MYO5B: variants seen among roughly 807,000 people sequenced by gnomAD.
MYO5B encodes myosin VB.
Under a neutral mutation model 229.3 loss-of-function variants are expected in MYO5B, and 143 were observed. That is an observed-to-expected ratio of 0.62 (90% CI 0.54 to 0.72). MYO5B has a LOEUF of 0.72. Ranked by LOEUF, MYO5B falls within the 30% of genes least tolerant of loss-of-function variation. The probability of loss-of-function intolerance (pLI) is 0.00; values close to 1 mark genes in which losing one functional copy is unlikely to be tolerated. For missense variants in MYO5B, 2,321 were observed against 2,331.0 expected (o/e 1.00, Z 0.09); for synonymous variants, 918 against 885.2 (o/e 1.04, Z -0.66).
rs1314705705 is a variant in MYO5B at position 49,872,160 on chromosome 18, A to G, written c.3603+7T>C. 2 of 1,613,826 alleles carry G rather than the reference A, an allele frequency of 1.2e-6. No individual in the cohort carries two copies. Among genetic ancestry groups the G allele is most frequent in the East Asian group, 2.2e-5 (1 of 44,862 alleles). On this transcript the variant is annotated splice_region_variant and intron_variant, in intron 27 of 39. Transcript: ENST00000285039. Reference sequence around the variant, plus strand: ...GTTCCAGGAAGCCTGTCCCCCAAGAATCTTACCTTCAGACTATTGTAGGCC... The same window carrying G: ...GTTCCAGGAAGCCTGTCCCCCAAGAGTCTTACCTTCAGACTATTGTAGGCC...
chr18:49,851,987 C>CCCTCCT (rs150832122), intron 31 of MYO5B, among the ~76,000 whole-genome samples: 2 of 151,722 alleles, frequency 1.3e-5, no homozygotes, highest in African/African-American at 4.8e-5. Flanking sequence ...CAAACTGGAG[C>CCCTCCT]CCTCCTCCTC....
At chr18:49,831,422 A>C (rs2023919816) in intron 39 of MYO5B, among the ~76,000 whole-genome samples, 1 of 152,244 alleles carries the variant, frequency 6.6e-6, no homozygotes, top group Non-Finnish European at 1.5e-5. Context: ...CTCAATATCA[A>C]AAAGACAATA....
rs150223388 is a variant in MYO5B at position 50,159,480 on chromosome 18, G to A, written c.27+35287C>T. The stretch of plus-strand genomic sequence containing the variant: ...ACCCAGGAAACTCAAGCTGAGAGAC[G>A]TTAGTGACATTCAGTCACCCACGGG... On this transcript the variant is annotated intron_variant, in intron 1 of 39. Transcript: ENST00000285039. Among the ~76,000 whole-genome samples the A allele has an allele frequency of 5.9e-3, 903 of 152,144 alleles. 3 individuals carry two copies. The highest frequency in any genetic ancestry group is 0.018 in the African/African-American group (745 of 41,500).
chr18:49,908,178 T>C (rs1325696372), intron 18 of MYO5B, among the ~76,000 whole-genome samples: 4 of 152,188 alleles, frequency 2.6e-5, no homozygotes, highest in Non-Finnish European at 4.4e-5. Flanking sequence ...GATGATATGC[T>C]CTGCAAGGCC....
At chr18:49,908,234 T>C (rs879892736) in intron 18 of MYO5B, among the ~76,000 whole-genome samples, 2 of 152,214 alleles carry the variant, frequency 1.3e-5, no homozygotes, top group Admixed American at 1.3e-4. Context: ...CCTGCTCCAC[T>C]GAGACACCCA....
In MYO5B at chr18:49,864,320, C is replaced by T; in HGVS notation, c.3664G>A (p.Ala1222Thr). Residue 1222 changes from alanine to threonine, a missense_variant, in exon 28 of 40, where the codon GCC becomes ACC. Ala to Thr is a moderately conservative substitution (Grantham distance 58). Around this residue, in one of 2 missense-constraint regions of MYO5B, gnomAD observed 2,113 missense variants for 2,044.7 expected, o/e 1.03. Transcript: ENST00000285039. ...TTCTGCGTGGCTTGGTCGGCCACGG[C>T]TTTCCTCAGCTCATTCAGGTCATTC... is the stretch of plus-strand genomic sequence containing the variant. ...LKNDLNELRK[A>T]VADQATQNNS... 1 of 1,614,114 alleles carries T rather than the reference C, an allele frequency of 6.2e-7. No individual in the cohort carries two copies. The highest frequency in any genetic ancestry group is 1.1e-5 in the South Asian group (1 of 91,084).
chr18:50,050,679 C>T (rs2030367274), intron 2 of MYO5B, among the ~76,000 whole-genome samples: 1 of 152,212 alleles, frequency 6.6e-6, no homozygotes, highest in African/African-American at 2.4e-5. Flanking sequence ...AGAAACGCTT[C>T]TCCACACCTT....
At chr18:50,164,854 A>G (rs1238409299) in intron 1 of MYO5B, among the ~76,000 whole-genome samples, 5 of 152,250 alleles carry the variant, frequency 3.3e-5, no homozygotes, top group Non-Finnish European at 7.3e-5. Flanking sequence ...TAAGAGTAAA[A>G]TAGAAAATGT....
At chr18:50,023,944 C>G (rs1286601886) in intron 4 of MYO5B, among the ~76,000 whole-genome samples, 1 of 152,162 alleles carries the variant, frequency 6.6e-6, no homozygotes, top group Non-Finnish European at 1.5e-5. Flanking sequence ...AATCTTCACT[C>G]TATGCACTAC....
chr18:49,866,290 C>T (rs1447223660), intron 27 of MYO5B, among the ~76,000 whole-genome samples: 4 of 151,772 alleles, frequency 2.6e-5, no homozygotes, highest in East Asian at 3.9e-4. Context: ...AGGATGGTCT[C>T]GATCTCCTGA....
chr18:49,947,972 C>T (rs1391642067), intron 14 of MYO5B, among the ~76,000 whole-genome samples: 1 of 152,164 alleles, frequency 6.6e-6, no homozygotes, highest in Non-Finnish European at 1.5e-5. Flanking sequence ...ATTAACTCGT[C>T]ATTTAGCATT....
At chr18:50,152,401 T>C (rs2032612882) in intron 1 of MYO5B, among the ~76,000 whole-genome samples, 1 of 152,282 alleles carries the variant, frequency 6.6e-6, no homozygotes, top group African/African-American at 2.4e-5. Context: ...GTCCTTTCTA[T>C]ATTAAGACAG....
intron 12 of MYO5B, among the ~76,000 whole-genome samples, chr18:49,956,856 A>G (rs1289120769): frequency 1.3e-5 from 2 of 152,134 alleles, no homozygotes; most frequent in African/African-American, 2.4e-5. Context: ...TCTGTATTAA[A>G]TGCCCAGAAT....
At chr18:50,142,469 C>G (rs1482773422) in intron 1 of MYO5B, among the ~76,000 whole-genome samples, 1 of 152,154 alleles carries the variant, frequency 6.6e-6, no homozygotes, top group Non-Finnish European at 1.5e-5. Context: ...ACTTCCCAAC[C>G]AAAGTAGGAA....
chr18:50,182,605 T>C (rs1420741604), intron 1 of MYO5B, among the ~76,000 whole-genome samples: 2 of 152,238 alleles, frequency 1.3e-5, no homozygotes, highest in Non-Finnish European at 2.9e-5. Context: ...TCACACCTTG[T>C]GCTAAGCCTT....
At chr18:50,112,661 A>C (rs1285526804) in intron 1 of MYO5B, among the ~76,000 whole-genome samples, 4 of 152,092 alleles carry the variant, frequency 2.6e-5, no homozygotes, top group Non-Finnish European at 4.4e-5. Context: ...GAAAACCCCC[A>C]CTATATTAAG....
At chr18:50,043,527 AT>A (rs2030122494) in intron 2 of MYO5B, among the ~76,000 whole-genome samples, 7 of 102,672 alleles carry the variant, frequency 6.8e-5, no homozygotes, top group African/African-American at 2.7e-4. Context: ...AAGTATATAA[AT>A]ATATTTTATA....
chr18:50,090,971 A>G (rs1348400080), intron 1 of MYO5B, among the ~76,000 whole-genome samples: 1 of 152,250 alleles, frequency 6.6e-6, no homozygotes, highest in East Asian at 1.9e-4. Context: ...CACAGCCTGT[A>G]TTCCTAAAAT....
At chr18:49,977,522 C>G (rs1005875683) in intron 9 of MYO5B, among the ~76,000 whole-genome samples, 4 of 152,132 alleles carry the variant, frequency 2.6e-5, no homozygotes, top group African/African-American at 9.7e-5. Flanking sequence ...ATGCATTTCT[C>G]AAGCACACAT....
Sources: gnomAD v4.1 joint callset for allele counts (sites outside exome capture counted in the v4.1 genomes callset) on GRCh38, gnomAD v4.1.1 for gene constraint, gnomAD v4.1.1 regional missense constraint, MANE v1.5 for transcripts, NCBI Gene and HGNC (gene_info 2026-07-23, HGNC 2026-07-21) for gene names.